The following HTN3 variants were observed in gnomAD, a reference collection of about 807,000 sequenced individuals.
HTN3 encodes histatin-3.
A neutral mutation model predicts 10.6 loss-of-function variants in HTN3; 15 were observed. That is an observed-to-expected ratio of 1.42 (90% CI 0.95 to 2.18). HTN3 has a LOEUF of 2.18. HTN3 is among the 30% of genes most tolerant of loss of function. The pLI is 0.00. For synonymous variants in HTN3, 15 were observed against 16.9 expected, an observed-to-expected ratio of 0.89 and a Z score of 0.27; for missense variants, 68 against 58.0, an observed-to-expected ratio of 1.17 and a Z score of -0.56.
At chr4:70,033,939 AAAAC>A (rs1217349872) in intron 5 of HTN3, 4 of 152,080 alleles carry the variant, frequency 2.6e-5, no homozygotes, top group African/African-American at 9.7e-5. Context: ...AATCCTGACA[AAAAC>A]AAGCAATGGG....
At chr4:70,030,635 C>T (rs748154815) in intron 1 of HTN3, 93 bp from the exon 2 acceptor site, 45 of 867,996 alleles carry the variant, frequency 5.2e-5, no homozygotes, top group Non-Finnish European at 7.3e-5. Context: ...AGCATGTCTC[C>T]CAATGCTTTG....
chr4:70,032,053 T>C, intron 3 of HTN3, 25 bp from the exon 4 acceptor site: 2 of 1,539,490 alleles, frequency 1.3e-6, no homozygotes, highest in Admixed American at 1.7e-5. Flanking sequence ...TATTGAATTT[T>C]TAATCTTTTC....
intron 1 of HTN3, among the ~76,000 whole-genome samples, chr4:70,029,353 G>C (rs896580564): frequency 1.8e-4 from 27 of 151,814 alleles, no homozygotes; most frequent in Non-Finnish European, 2.7e-4. Context: ...AATTTTTATA[G>C]TTAGTCCTAT....
chr4:70,031,869 G>T (rs1174364149), intron 2 of HTN3, 110 bp from the exon 3 acceptor site: 2 of 743,114 alleles, frequency 2.7e-6, no homozygotes, highest in Non-Finnish European at 4.6e-6. Context: ...ATCATCCAAA[G>T]AATGCCTCCA....
At chr4:70,028,897 A>G (rs991467481) in intron 1 of HTN3, among the ~76,000 whole-genome samples, 1 of 152,058 alleles carries the variant, frequency 6.6e-6, no homozygotes, top group African/African-American at 2.4e-5. Flanking sequence ...TCATTATTAT[A>G]AAAATTTATT....
chr4:70,033,124 C>T (rs751453924), intron 4 of HTN3, 43 bp from the exon 5 acceptor site: 7 of 1,459,716 alleles, frequency 4.8e-6, no homozygotes, highest in South Asian at 3.6e-5. Context: ...CTGTCATTGC[C>T]TCTATTCTCT....
intron 2 of HTN3, among the ~76,000 whole-genome samples, 172 bp from the exon 3 acceptor site, chr4:70,031,807 C>T (rs1725387562): frequency 6.6e-6 from 1 of 151,954 alleles, no homozygotes; most frequent in African/African-American, 2.4e-5. Context: ...GAAGTTTACC[C>T]TTCACTCATT....
At chr4:70,030,847 T>A (rs1365779507) in intron 2 of HTN3, 56 bp downstream of exon 2, 8 of 1,310,324 alleles carry the variant, frequency 6.1e-6, no homozygotes, top group Non-Finnish European at 8.8e-6. Context: ...CCCAAGGATC[T>A]TTCTTATTCC....
intron 5 of HTN3, chr4:70,033,896 A>C (rs916348804): frequency 6.6e-6 from 1 of 152,030 alleles, no homozygotes; most frequent in African/African-American, 2.4e-5. Flanking sequence ...TTCATTCATG[A>C]TGCAGGTCTC....
At chr4:70,033,858 T>C (rs1725444691) in intron 5 of HTN3, 1 of 152,132 alleles carries the variant, frequency 6.6e-6, no homozygotes, top group African/African-American at 2.4e-5. Context: ...AGGTATTTTA[T>C]TATCTTTGTT....
chr4:70,030,640 GC>G, intron 1 of HTN3, 87 bp from the exon 2 acceptor site: 2 of 905,422 alleles, frequency 2.2e-6, no homozygotes, highest in Non-Finnish European at 3.6e-6. Flanking sequence ...GTCTCCCAAT[GC>G]TTTGAAGCAT....
intron 5 of HTN3, among the ~76,000 whole-genome samples, chr4:70,036,040 T>G (rs1725510183): frequency 6.6e-6 from 1 of 152,148 alleles, no homozygotes; most frequent in Non-Finnish European, 1.5e-5. Context: ...CAAGAAAAAT[T>G]TAAATTTAAA....
Position 70,028,525 on chromosome 4 carries a change from T to C in HTN3, c.-14+9T>C, listed in dbSNP as rs1448827292. ...CTCCTCTTGAGTAAAAGGTAACATGTTCAAGTACAATCTAATATTATATAT... is the reference window on the plus strand; with the variant it reads ...CTCCTCTTGAGTAAAAGGTAACATGCTCAAGTACAATCTAATATTATATAT... On this transcript the variant is annotated intron_variant, in intron 1 of 5. Transcript: ENST00000673563. 1 of 152,148 alleles carries C rather than the reference T, an allele frequency of 6.6e-6. No individual in the cohort carries two copies. Among genetic ancestry groups the C allele is most frequent in the African/African-American group, 2.4e-5 (1 of 41,440 alleles). 9.4% of individuals were successfully genotyped at this position (152,148 alleles called of 1,614,324 possible).
intron 4 of HTN3, among the ~76,000 whole-genome samples, chr4:70,032,816 C>A (rs1234960715): frequency 1.3e-5 from 2 of 152,038 alleles, no homozygotes; most frequent in Admixed American, 1.3e-4. Flanking sequence ...GAAACGGTAA[C>A]TTTCTCCTCC....
intron 1 of HTN3, among the ~76,000 whole-genome samples, chr4:70,029,052 TTTCA>T (rs1321662221): frequency 6.6e-6 from 1 of 152,074 alleles, no homozygotes; most frequent in African/African-American, 2.4e-5. Context: ...TTTAACTCAT[TTTCA>T]TTCATTTGTG....
chr4:70,034,699 G>C (rs1026873582), intron 5 of HTN3, among the ~76,000 whole-genome samples: 3 of 152,116 alleles, frequency 2.0e-5, no homozygotes, highest in Admixed American at 6.5e-5. Flanking sequence ...CCGTTACTGG[G>C]TATATACCCA....
chr4:70,033,300 C>A, intron 5 of HTN3, 47 bp downstream of exon 5: 2 of 850,866 alleles, frequency 2.4e-6, no homozygotes, highest in Non-Finnish European at 1.9e-6. Context: ...TCAACACTGA[C>A]AGTTAAAACA....
At chr4:70,033,145 C>G (rs1293113470) in intron 4 of HTN3, 22 bp from the exon 5 acceptor site, 1 of 1,585,586 alleles carries the variant, frequency 6.3e-7, no homozygotes, top group Non-Finnish European at 8.6e-7. Flanking sequence ...GCAATTTGCT[C>G]TCTCCTTTTG....
At chr4:70,033,994 G>A (rs1262348317) in intron 5 of HTN3, 1 of 151,958 alleles carries the variant, frequency 6.6e-6, no homozygotes, top group Admixed American at 6.6e-5. Context: ...GGGAAAACTG[G>A]CTAGCCATAT....
Sources: gnomAD v4.1 joint callset for allele counts (sites outside exome capture counted in the v4.1 genomes callset) on GRCh38, gnomAD v4.1.1 for gene constraint, MANE v1.5 for transcripts, NCBI Gene and HGNC (gene_info 2026-07-23, HGNC 2026-07-21) for gene names.